Variants in NUMB observed in about 807,000 individuals in gnomAD.
NUMB encodes the protein NUMB endocytic adaptor protein, also known as protein numb homolog.
A neutral mutation model predicts 59.7 loss-of-function variants in NUMB; 29 were observed. That is an observed-to-expected ratio of 0.49 (90% CI 0.36 to 0.66). NUMB has a LOEUF of 0.66. NUMB is among the 30% of genes least tolerant of loss of function. The pLI is 0.00. For missense variants in NUMB, 723 were observed against 822.0 expected (o/e 0.88, Z 1.47); for synonymous variants, 288 against 288.2 (o/e 1.00, Z 0.01).
At chr14:73,369,321 G>T (rs942322166) in intron 2 of NUMB, among the ~76,000 whole-genome samples, 1 of 152,144 alleles carries the variant, frequency 6.6e-6, no homozygotes, top group Admixed American at 6.5e-5. Context: ...GATTACAGGC[G>T]TGAGCCACCG....
chr14:73,334,294 C>T (rs1450601457), intron 4 of NUMB, among the ~76,000 whole-genome samples: 2 of 152,160 alleles, frequency 1.3e-5, no homozygotes, highest in Non-Finnish European at 2.9e-5. Context: ...ATCTGCGATA[C>T]TTTTTCATGT....
At chr14:73,334,562 G>A (rs1316558855) in intron 4 of NUMB, among the ~76,000 whole-genome samples, 1 of 152,010 alleles carries the variant, frequency 6.6e-6, no homozygotes, top group Admixed American at 6.6e-5. Context: ...ATTTTTTTAA[G>A]GTTTGGGGCC....
chr14:73,381,096 G>C (rs1015912769), intron 2 of NUMB, among the ~76,000 whole-genome samples: 4 of 152,110 alleles, frequency 2.6e-5, no homozygotes, highest in African/African-American at 9.7e-5. Context: ...TTCAGGTTCA[G>C]AGATATTAAA....
At chr14:73,307,328 A>G (rs1419958316) in intron 6 of NUMB, among the ~76,000 whole-genome samples, 2 of 141,510 alleles carry the variant, frequency 1.4e-5, no homozygotes, top group Non-Finnish European at 3.1e-5. Context: ...AAAAAAAAAT[A>G]GCTAGGAATT....
intron 11 of NUMB, among the ~76,000 whole-genome samples, chr14:73,281,958 G>A (rs1888660731): frequency 1.3e-5 from 2 of 152,160 alleles, no homozygotes; most frequent in Non-Finnish European, 2.9e-5. Flanking sequence ...TCTCCAGACA[G>A]TGAAAGACAA....
intron 2 of NUMB, among the ~76,000 whole-genome samples, chr14:73,397,542 T>A (rs1896195530): frequency 6.6e-6 from 1 of 152,160 alleles, no homozygotes; most frequent in South Asian, 2.1e-4. Context: ...TGCTAGCTGG[T>A]CCAAGCACAC....
intron 2 of NUMB, among the ~76,000 whole-genome samples, chr14:73,404,876 T>C (rs1896586856): frequency 6.6e-6 from 1 of 152,012 alleles, no homozygotes; most frequent in African/African-American, 2.4e-5. Context: ...TTCTTATGCC[T>C]CAGCCTCCAG....
intron 4 of NUMB, among the ~76,000 whole-genome samples, chr14:73,338,443 C>T (rs1283027582): frequency 1.3e-5 from 2 of 152,214 alleles, no homozygotes; most frequent in African/African-American, 4.8e-5. Flanking sequence ...ACATAAGTCA[C>T]ATCATCTTTC....
intron 4 of NUMB, among the ~76,000 whole-genome samples, chr14:73,352,479 T>C (rs1047861303): frequency 0.22 from 963 of 4,426 alleles, 55 homozygotes; most frequent in Non-Finnish European, 0.23. Context: ...CACACACACA[T>C]ATATATATAT....
At position 73,327,451 on chromosome 14, in the gene NUMB, T is replaced by G. The variant is rs372784731; in HGVS notation, c.127-4247A>C. On this transcript the variant is annotated intron_variant, in intron 4 of 12. Transcript: ENST00000555238. Reference sequence around the variant, plus strand: ...TTTGTATTTTTAGTAGAGATGGGATTTCACCATACTGGCCAGGCTGGTCTC... The same window carrying G: ...TTTGTATTTTTAGTAGAGATGGGATGTCACCATACTGGCCAGGCTGGTCTC... Among the ~76,000 whole-genome samples the G allele has an allele frequency of 2.2e-4, 33 of 152,214 alleles. No homozygotes were observed. The South Asian group carries it at 6.8e-3, about 32-fold the overall frequency.
At chr14:73,382,404 C>T (rs1347188258) in intron 2 of NUMB, among the ~76,000 whole-genome samples, 2 of 151,902 alleles carry the variant, frequency 1.3e-5, no homozygotes, top group Admixed American at 1.3e-4. Flanking sequence ...GCCTCAGCCT[C>T]CCAAAGTGCC....
At chr14:73,340,591 G>A (rs1431649855) in intron 4 of NUMB, among the ~76,000 whole-genome samples, 1 of 152,196 alleles carries the variant, frequency 6.6e-6, no homozygotes, top group African/African-American at 2.4e-5. Context: ...GCAGTACTTA[G>A]AACATTGCCT....
chr14:73,384,809 C>T (rs2140084747), intron 2 of NUMB, among the ~76,000 whole-genome samples: 1 of 151,696 alleles, frequency 6.6e-6, no homozygotes, highest in East Asian at 2.0e-4. Flanking sequence ...AACTCTGGAG[C>T]TCAAGTGATC....
At chr14:73,350,481 T>A (rs1318829396) in intron 4 of NUMB, among the ~76,000 whole-genome samples, 2 of 151,760 alleles carry the variant, frequency 1.3e-5, no homozygotes, top group Non-Finnish European at 2.9e-5. Context: ...CCTGTGTCAT[T>A]TTTAATACTA....
chr14:73,352,442 AC>A (rs2031246357), intron 4 of NUMB, among the ~76,000 whole-genome samples: 1 of 51,394 alleles, frequency 1.9e-5, no homozygotes, highest in Non-Finnish European at 3.7e-5. Context: ...ATACACACAC[AC>A]ACACACACAC....
chr14:73,453,077 A>C (rs1884097001), intron 1 of NUMB, among the ~76,000 whole-genome samples: 1 of 151,416 alleles, frequency 6.6e-6, no homozygotes, highest in Non-Finnish European at 1.5e-5. Flanking sequence ...CTTCATTTCA[A>C]TCCTCCTTTT....
At chr14:73,286,621 CAAAATCTATAG>C (rs1889023571) in intron 9 of NUMB, 3 of 163,138 alleles carry the variant, frequency 1.8e-5, no homozygotes, top group Admixed American at 1.7e-4. Context: ...GCTTACCTCT[CAAAATCTATAG>C]ACTTTTGTGA....
intron 11 of NUMB, among the ~76,000 whole-genome samples, chr14:73,279,987 T>G (rs1189229813): frequency 1.3e-5 from 2 of 152,106 alleles, no homozygotes; most frequent in Admixed American, 1.3e-4. Context: ...CGAAACCCCG[T>G]CTCTACTAAA....
intron 4 of NUMB, among the ~76,000 whole-genome samples, chr14:73,344,985 C>T (rs1892831853): frequency 6.6e-6 from 1 of 152,166 alleles, no homozygotes; most frequent in Non-Finnish European, 1.5e-5. Context: ...ATCCAGCAAT[C>T]CCATTACTGG....
Sources: allele counts gnomAD v4.1 joint callset (sites outside exome capture counted in the v4.1 genomes callset), GRCh38; gene constraint gnomAD v4.1.1; transcripts MANE v1.5; gene names NCBI Gene and HGNC (gene_info 2026-07-23, HGNC 2026-07-21).